Variants in KIRREL3 observed in about 807,000 individuals in gnomAD.
KIRREL3 encodes the protein kirre like nephrin family adhesion molecule 3.
A neutral mutation model predicts 89.7 loss-of-function variants in KIRREL3; 36 were observed. The ratio of observed to expected loss-of-function variants is 0.40; its 90% CI spans 0.31 to 0.53. KIRREL3 has a LOEUF of 0.53. KIRREL3 is among the 20% of genes least tolerant of loss of function. The pLI, the probability that KIRREL3 is intolerant of heterozygous loss-of-function variation, is 0.49. For missense variants in KIRREL3, 864 were observed against 1,056.6 expected, an observed-to-expected ratio of 0.82 and a Z score of 2.53; for synonymous variants, 445 against 441.4, an observed-to-expected ratio of 1.01 and a Z score of -0.10.
intron 1 of KIRREL3, among the ~76,000 whole-genome samples, chr11:126,667,162 C>T (rs1211869105): frequency 6.6e-6 from 1 of 152,156 alleles, no homozygotes; most frequent in Non-Finnish European, 1.5e-5. Flanking sequence ...TCAAGAGTTA[C>T]AGGAAATAAA....
At chr11:126,935,159 A>G (rs1413952903) in intron 1 of KIRREL3, 2 of 152,156 alleles carry the variant, frequency 1.3e-5, no homozygotes, top group African/African-American at 4.8e-5. Flanking sequence ...TTAAAACAAC[A>G]ATAAGATACC....
rs1943302049 is a variant in KIRREL3, at chr11:126,615,414, C to A, written c.56-52502G>T. Among the ~76,000 whole-genome samples the A allele has an allele frequency of 6.6e-6, 1 of 152,136 alleles. No individual in the cohort carries two copies. Among genetic ancestry groups the A allele is most frequent in the Non-Finnish European group, 1.5e-5 (1 of 68,034 alleles). On this transcript the variant is annotated intron_variant, in intron 1 of 16. Transcript: ENST00000525144. This position sits in a 1 kb window ranked among gnomAD's most constrained non-coding sequence, Gnocchi z 5.4. Reference sequence around the variant, plus strand: ...TTTAGAAGTAAGTATATTTATTACCCCACTCTACAGTTAAGGAAACCAGAG... The same window carrying A: ...TTTAGAAGTAAGTATATTTATTACCACACTCTACAGTTAAGGAAACCAGAG...
At chr11:126,871,894 C>T (rs538480734) in intron 1 of KIRREL3, among the ~76,000 whole-genome samples, 2 of 152,224 alleles carry the variant, frequency 1.3e-5, no homozygotes, top group Non-Finnish European at 2.9e-5. Context: ...ATGGGGCTTA[C>T]ATCTGTAGGA....
intron 1 of KIRREL3, among the ~76,000 whole-genome samples, chr11:126,629,967 G>T (rs1233780227): frequency 2.6e-5 from 4 of 152,154 alleles, no homozygotes; most frequent in African/African-American, 9.7e-5. Context: ...CAATTTCTGT[G>T]TATTGTCTGT....
Position 126,540,659 on chromosome 11 carries a change from T to G in KIRREL3, c.134-13972A>C, listed in dbSNP as rs554270279. On this transcript the variant is annotated intron_variant, in intron 2 of 16. Transcript: ENST00000525144. Reference sequence around the variant, plus strand: ...CAAGGCCTGGATGCCACGAAGACACTGATAAGTGCTGCTGGAAATATGGGC... The same window carrying G: ...CAAGGCCTGGATGCCACGAAGACACGGATAAGTGCTGCTGGAAATATGGGC... 5.6e-4 allele frequency among the ~76,000 whole-genome samples: 85 copies of G among 152,360 alleles called. 1 individual carries two copies. Among genetic ancestry groups the G allele is most frequent in the African/African-American group, 1.5e-3 (63 of 41,584 alleles).
At chr11:126,586,328 TA>T (rs2134688027) in intron 1 of KIRREL3, among the ~76,000 whole-genome samples, 1 of 151,684 alleles carries the variant, frequency 6.6e-6, no homozygotes, top group South Asian at 2.1e-4. Flanking sequence ...CATGAAGGAG[TA>T]AGTAGGTAAT....
intron 4 of KIRREL3, among the ~76,000 whole-genome samples, chr11:126,482,596 A>G (rs1202160137): frequency 6.6e-6 from 1 of 152,274 alleles, no homozygotes; most frequent in Non-Finnish European, 1.5e-5. Flanking sequence ...TTCTCTAAGC[A>G]GACTGGGCTC....
At chr11:126,873,307 A>G (rs890647817) in intron 1 of KIRREL3, among the ~76,000 whole-genome samples, 1 of 152,216 alleles carries the variant, frequency 6.6e-6, no homozygotes, top group Non-Finnish European at 1.5e-5. Flanking sequence ...TGAGGTATGC[A>G]TATAACACAG....
chr11:126,779,001 C>T (rs1348498247), intron 1 of KIRREL3, among the ~76,000 whole-genome samples: 2 of 152,208 alleles, frequency 1.3e-5, no homozygotes, highest in Non-Finnish European at 2.9e-5. Flanking sequence ...TCAACAAATG[C>T]CTTCCATGCC....
At position 126,513,944 on chromosome 11, in the gene KIRREL3, G is replaced by A. The variant is rs1364708761; in HGVS notation, c.433+7371C>T. Among the ~76,000 whole-genome samples the A allele has an allele frequency of 2.6e-5, 4 of 152,098 alleles. No homozygotes were observed. The highest frequency in any genetic ancestry group is 1.5e-5 in the Non-Finnish European group (1 of 68,022). On this transcript the variant is annotated intron_variant, in intron 4 of 16. Coordinates refer to ENST00000525144, the MANE Select transcript of KIRREL3 (RefSeq NM_032531.4). This position sits in a 1 kb window ranked among gnomAD's most constrained non-coding sequence, Gnocchi z 5.9. ...ATGTCAGCCTCAGATACCCTTCATG[G>A]CCCCCAGCTCTGCTCACTTTATCAC...
Position 126,793,583 on chromosome 11 carries a change from G to C in KIRREL3, c.55+206872C>G, listed in dbSNP as rs564439304. On this transcript the variant is annotated intron_variant, in intron 1 of 16. Coordinates refer to ENST00000525144, the MANE Select transcript of KIRREL3 (RefSeq NM_032531.4). The stretch of plus-strand genomic sequence containing the variant: ...GCTGGGTGGACAACTCAGGTCACTG[G>C]CAGTGACTCACACAGAGGAACCAAG... 7.9e-5 allele frequency among the ~76,000 whole-genome samples: 12 copies of C among 152,334 alleles called. No individual in the cohort carries two copies. The East Asian group carries it at 2.1e-3, about 27-fold the overall frequency.
At chr11:126,617,230 T>G (rs528228919) in intron 1 of KIRREL3, among the ~76,000 whole-genome samples, 1 of 152,320 alleles carries the variant, frequency 6.6e-6, no homozygotes, top group South Asian at 2.1e-4. Context: ...GGTGATGTCA[T>G]CATGAAACAA....
In KIRREL3 at chr11:126,635,324, G is replaced by A. The variant is rs118024177; in HGVS notation, c.56-72412C>T. Reference sequence around the variant, plus strand: ...GTCCAGAGCAAATCACGGTCTCCATGTTTTTCCTCCCTGGTCCCACATAGG... The same window carrying A: ...GTCCAGAGCAAATCACGGTCTCCATATTTTTCCTCCCTGGTCCCACATAGG... On this transcript the variant is annotated intron_variant, in intron 1 of 16. Coordinates refer to ENST00000525144, the MANE Select transcript of KIRREL3 (RefSeq NM_032531.4). The surrounding 1 kb of genome is among the most constrained non-coding windows in gnomAD (Gnocchi z 4.0). Among the ~76,000 whole-genome samples, 174 of 152,306 alleles carry A rather than the reference G, an allele frequency of 1.1e-3. 2 individuals are homozygous for A. The East Asian group carries it at 0.024, about 21-fold the overall frequency.
At position 126,477,734 on chromosome 11, in the gene KIRREL3, A is replaced by C. The variant is rs1312493578; in HGVS notation, c.434-4268T>G. Among the ~76,000 whole-genome samples the C allele has an allele frequency of 6.6e-6, 1 of 152,126 alleles. No individual in the cohort carries two copies. Among genetic ancestry groups the C allele is most frequent in the Non-Finnish European group, 1.5e-5 (1 of 68,022 alleles). The stretch of plus-strand genomic sequence containing the variant: ...CCTCCAGTGTCCACTTGGTCACCCA[A>C]CTGAGACCTGGCTGGGCTTCCAGGA... On this transcript the variant is annotated intron_variant, in intron 4 of 16. Coordinates refer to ENST00000525144, the MANE Select transcript of KIRREL3 (RefSeq NM_032531.4). The surrounding 1 kb of genome is among the most constrained non-coding windows in gnomAD (Gnocchi z 4.8).
chr11:126,931,079 T>C lies in KIRREL3; in HGVS notation c.55+69376A>G, dbSNP rs1386694064. Among the ~76,000 whole-genome samples, 6 of 152,184 alleles carry C rather than the reference T, an allele frequency of 3.9e-5. No individual in the cohort carries two copies. Among genetic ancestry groups the C allele is most frequent in the Non-Finnish European group, 2.9e-5 (2 of 68,032 alleles). On this transcript the variant is annotated intron_variant, in intron 1 of 16. Coordinates refer to ENST00000525144, the MANE Select transcript of KIRREL3 (RefSeq NM_032531.4). This position sits in a 1 kb window ranked among gnomAD's most constrained non-coding sequence, Gnocchi z 5.1. ...TCTCAGAAAGCTTTGGGCAGTTGGA[T>C]ACCCTACCTGTGAGTTCCCACAGGC...
rs569954177 is a variant in KIRREL3 at position 126,771,034 on chromosome 11, C to T, written c.56-208122G>A. Among the ~76,000 whole-genome samples the T allele has an allele frequency of 6.6e-5, 10 of 152,240 alleles. No individual in the cohort carries two copies. The South Asian group carries it at 2.1e-3, about 32-fold the overall frequency. On this transcript the variant is annotated intron_variant, in intron 1 of 16. Coordinates refer to ENST00000525144, the MANE Select transcript of KIRREL3 (RefSeq NM_032531.4). The surrounding 1 kb of genome is among the most constrained non-coding windows in gnomAD (Gnocchi z 4.4). ...CATTTTTAGTAGAGATGGAGTTTTG[C>T]CATGTTGACCGGGCTGGGATTGAAC...
rs1049756603 is a variant in KIRREL3, at chr11:126,432,977, C to G, written c.1589-1451G>C. Among the ~76,000 whole-genome samples, 4 of 152,244 alleles carry G rather than the reference C, an allele frequency of 2.6e-5. No homozygotes were observed. The highest frequency in any genetic ancestry group is 9.6e-5 in the African/African-American group (4 of 41,464). The stretch of plus-strand genomic sequence containing the variant: ...CACTGCAACCTCCGCCTCCTGGGTT[C>G]AAGCGATTCTCCTGCCTCAGTCTCC... On this transcript the variant is annotated intron_variant, in intron 13 of 16. Coordinates refer to ENST00000525144, the MANE Select transcript of KIRREL3 (RefSeq NM_032531.4). This position sits in a 1 kb window ranked among gnomAD's most constrained non-coding sequence, Gnocchi z 6.2.
chr11:127,000,992 G>T (rs1338703688), upstream of KIRREL3: 7 of 236,210 alleles, frequency 3.0e-5, no homozygotes, highest in South Asian at 5.4e-4. This position sits in a 1 kb window ranked among gnomAD's most constrained non-coding sequence, Gnocchi z 7.1. Context: ...TCCCTAAATA[G>T]GGAAAAATTC....
In KIRREL3 at chr11:126,544,637, A is replaced by G. The variant is rs1314644231; in HGVS notation, c.134-17950T>C. On this transcript the variant is annotated intron_variant, in intron 2 of 16. Coordinates refer to ENST00000525144, the MANE Select transcript of KIRREL3 (RefSeq NM_032531.4). This position sits in a 1 kb window ranked among gnomAD's most constrained non-coding sequence, Gnocchi z 5.6. Reference sequence around the variant, plus strand: ...CGGTGTCCTGGGGGCTCCATGCAGGACAGCAAATGGGCCCTGTCATTTATT... The same window carrying G: ...CGGTGTCCTGGGGGCTCCATGCAGGGCAGCAAATGGGCCCTGTCATTTATT... Among the ~76,000 whole-genome samples the G allele has an allele frequency of 2.0e-5, 3 of 152,154 alleles. No individual in the cohort carries two copies. The highest frequency in any genetic ancestry group is 4.4e-5 in the Non-Finnish European group (3 of 68,024).
Sources: gnomAD v4.1 joint callset for allele counts (sites outside exome capture counted in the v4.1 genomes callset) on GRCh38, gnomAD v4.1.1 for gene constraint, Gnocchi (gnomAD v3.1) non-coding constraint, MANE v1.5 for transcripts, NCBI Gene and HGNC (gene_info 2026-07-23, HGNC 2026-07-21) for gene names.